Variants in NALCN observed in about 807,000 individuals in gnomAD.
NALCN encodes the protein sodium leak channel, non-selective, also known as sodium leak channel NALCN.
In NALCN, 111 loss-of-function variants were observed where a neutral mutation model predicts 225.3. That is an observed-to-expected ratio of 0.49 (90% CI 0.42 to 0.58). The LOEUF (loss-of-function observed/expected upper bound fraction) is 0.58, where lower values mean the gene tolerates loss of function less well. Among genes scored for constraint, NALCN ranks in the 20% least tolerant of loss-of-function variants. The probability of loss-of-function intolerance (pLI) is 0.00; values close to 1 mark genes in which losing one functional copy is unlikely to be tolerated. For missense variants in NALCN, 1,378 were observed against 2,202.4 expected, an observed-to-expected ratio of 0.63 and a Z score of 7.49; for synonymous variants, 764 against 769.0, an observed-to-expected ratio of 0.99 and a Z score of 0.11.
At chr13:101,407,591 C>T (rs762086133) in intron 1 of NALCN, among the ~76,000 whole-genome samples, 5 of 152,224 alleles carry the variant, frequency 3.3e-5, no homozygotes, top group Admixed American at 2.0e-4. Context: ...ATGCCAGGCA[C>T]TATTCTAAGC....
chr13:101,392,214 CAT>C (rs1282787854), intron 3 of NALCN, among the ~76,000 whole-genome samples: 1 of 151,870 alleles, frequency 6.6e-6, no homozygotes, highest in Non-Finnish European at 1.5e-5. Flanking sequence ...CACCCACACA[CAT>C]GAAAAATCTA....
At chr13:101,325,462 C>T (rs2044915276) in intron 7 of NALCN, among the ~76,000 whole-genome samples, 1 of 152,138 alleles carries the variant, frequency 6.6e-6, no homozygotes, top group African/African-American at 2.4e-5. Flanking sequence ...GAATTTTGCC[C>T]CTTACACAAA....
chr13:101,064,948 G>T (rs1205532667), intron 40 of NALCN, among the ~76,000 whole-genome samples: 1 of 152,182 alleles, frequency 6.6e-6, no homozygotes, highest in Non-Finnish European at 1.5e-5. Context: ...AGCCAACGGG[G>T]CAACCATCAC....
At chr13:101,260,315 CAG>C (rs2042383467) in intron 10 of NALCN, among the ~76,000 whole-genome samples, 1 of 152,154 alleles carries the variant, frequency 6.6e-6, no homozygotes, top group Non-Finnish European at 1.5e-5. Context: ...TTATTGCAAA[CAG>C]TGCTGCAGCA....
intron 30 of NALCN, among the ~76,000 whole-genome samples, chr13:101,084,550 A>T (rs1235413630): frequency 6.6e-6 from 1 of 152,154 alleles, no homozygotes; most frequent in Non-Finnish European, 1.5e-5. Flanking sequence ...TCAATACGTA[A>T]GAATTTGTTC....
chr13:101,100,171 G>A (rs970144845), intron 27 of NALCN, among the ~76,000 whole-genome samples: 3 of 152,174 alleles, frequency 2.0e-5, no homozygotes, highest in Non-Finnish European at 4.4e-5. Flanking sequence ...AGAAAGCTGA[G>A]AGTGGGGAAG....
At chr13:101,125,570 C>A (rs974274509) in intron 17 of NALCN, among the ~76,000 whole-genome samples, 1 of 151,910 alleles carries the variant, frequency 6.6e-6, no homozygotes, top group East Asian at 1.9e-4. Context: ...AAGTGAATAG[C>A]CTAGATAGGA....
intron 1 of NALCN, among the ~76,000 whole-genome samples, chr13:101,406,023 A>G (rs2047609996): frequency 6.6e-6 from 1 of 152,006 alleles, no homozygotes; most frequent in African/African-American, 2.4e-5. Flanking sequence ...TAATAATATC[A>G]TACATTTTCA....
At chr13:101,065,379 A>G (rs2032289692) in intron 40 of NALCN, 25 bp downstream of exon 40, 9 of 1,612,978 alleles carry the variant, frequency 5.6e-6, no homozygotes, top group Non-Finnish European at 7.6e-6. Flanking sequence ...GCCCCCATTC[A>G]GCCCTGCGAA....
At chr13:101,106,722 C>T (rs932412236) in intron 22 of NALCN, among the ~76,000 whole-genome samples, 13 of 149,478 alleles carry the variant, frequency 8.7e-5, no homozygotes, top group Non-Finnish European at 2.9e-5. Context: ...CTCTTGTCTG[C>T]TGCCATGTAA....
chr13:101,388,783 TTGTTTC>T (rs1239593995), intron 3 of NALCN, among the ~76,000 whole-genome samples: 3 of 152,254 alleles, frequency 2.0e-5, no homozygotes, highest in African/African-American at 7.2e-5. Context: ...TGTCACTTAT[TTGTTTC>T]ATTCAAATGG....
intron 7 of NALCN, among the ~76,000 whole-genome samples, chr13:101,296,610 C>T (rs943918320): frequency 1.3e-5 from 2 of 152,162 alleles, no homozygotes; most frequent in Non-Finnish European, 2.9e-5. Context: ...ACTAAAATTT[C>T]TGGCTAAACG....
chr13:101,263,275 T>C (rs1482102876), intron 10 of NALCN, among the ~76,000 whole-genome samples: 1 of 152,226 alleles, frequency 6.6e-6, no homozygotes, highest in Admixed American at 6.5e-5. Context: ...TGCACATCAA[T>C]TTACTTGCAG....
At chr13:101,326,454 G>A (rs1490123103) in intron 7 of NALCN, among the ~76,000 whole-genome samples, 4 of 152,166 alleles carry the variant, frequency 2.6e-5, no homozygotes, top group African/African-American at 4.8e-5. Context: ...TACTGGTTGA[G>A]AAAACTCTAC....
chr13:101,104,883 G>T lies in NALCN; in HGVS notation c.2636+11C>A, dbSNP rs1420864807. ...TAAATGTGCATGGAAAATGAAGTTG[G>T]TGATGCTTACTAAAGTTGATGGTAC... On this transcript the variant is annotated intron_variant, in intron 23 of 43. Transcript: ENST00000251127. This position sits in a 1 kb window ranked among gnomAD's most constrained non-coding sequence, Gnocchi z 4.2. The T allele has an allele frequency of 6.2e-7, 1 of 1,613,456 alleles. No individual in the cohort carries two copies. Among genetic ancestry groups the T allele is most frequent in the East Asian group, 2.2e-5 (1 of 44,844 alleles).
intron 10 of NALCN, among the ~76,000 whole-genome samples, chr13:101,271,798 CATGT>C (rs2042787722): frequency 6.6e-6 from 1 of 150,942 alleles, no homozygotes; most frequent in Non-Finnish European, 1.5e-5. Flanking sequence ...TGTGTGCATG[CATGT>C]GTGTGTGTGT....
At position 101,292,909 on chromosome 13, in the gene NALCN, A is replaced by C. The variant is rs1248157456; in HGVS notation, c.800-543T>G. On this transcript the variant is annotated intron_variant, in intron 7 of 43. Coordinates refer to ENST00000251127, the MANE Select transcript of NALCN (RefSeq NM_052867.4). The surrounding 1 kb of genome is among the most constrained non-coding windows in gnomAD (Gnocchi z 4.3). ...CCGAACACCAGAATGTAAGGCAGTG[A>C]ATCACCAAATAGGACTTTGTATTTT... Among the ~76,000 whole-genome samples the C allele has an allele frequency of 5.9e-5, 9 of 152,228 alleles. No homozygotes were observed. The highest frequency in any genetic ancestry group is 9.6e-5 in the African/African-American group (4 of 41,458).
chr13:101,244,192 A>C (rs1370963060), intron 11 of NALCN, among the ~76,000 whole-genome samples: 1 of 152,012 alleles, frequency 6.6e-6, no homozygotes, highest in Non-Finnish European at 1.5e-5. Context: ...AAGAGTGGTG[A>C]TCCATTTTAA....
intron 15 of NALCN, among the ~76,000 whole-genome samples, chr13:101,171,440 T>C (rs779691712): frequency 4.5e-4 from 68 of 151,694 alleles, no homozygotes; most frequent in Admixed American, 1.2e-3. Context: ...CACACACACA[T>C]ATATATTTTT....
Sources: gnomAD v4.1 joint callset for allele counts (sites outside exome capture counted in the v4.1 genomes callset) on GRCh38, gnomAD v4.1.1 for gene constraint, Gnocchi (gnomAD v3.1) non-coding constraint, MANE v1.5 for transcripts, NCBI Gene and HGNC (gene_info 2026-07-23, HGNC 2026-07-21) for gene names.